Variants in ZNF793 observed in about 807,000 individuals in gnomAD.
ZNF793 encodes zinc finger protein 793.
In ZNF793, 5 loss-of-function variants were observed where a neutral mutation model predicts 12.4. That is an observed-to-expected ratio of 0.40 (90% confidence interval 0.21 to 0.84). The LOEUF is 0.84. Ranked by LOEUF, ZNF793 falls within the 40% of genes least tolerant of loss-of-function variation. The probability of loss-of-function intolerance (pLI) is 0.35; values close to 1 mark genes in which losing one functional copy is unlikely to be tolerated. For missense variants in ZNF793, 456 were observed against 495.0 expected (o/e 0.92, Z 0.75); for synonymous variants, 162 against 172.4 (o/e 0.94, Z 0.47).
intron 2 of ZNF793, among the ~76,000 whole-genome samples, chr19:37,519,037 T>C (rs866676881): frequency 8.6e-4 from 130 of 152,042 alleles, no homozygotes; most frequent in African/African-American, 2.8e-3. Flanking sequence ...GAGGCCGAGG[T>C]GGGCGGATCA....
intron 6 of ZNF793, among the ~76,000 whole-genome samples, 198 bp downstream of exon 6, chr19:37,532,680 G>A (rs1261211433): frequency 6.6e-6 from 1 of 152,104 alleles, no homozygotes; most frequent in Non-Finnish European, 1.5e-5. Flanking sequence ...TTATCCAGGT[G>A]TGGTGGCGGG....
At chr19:37,514,348 T>C (rs2042314547) in intron 2 of ZNF793, among the ~76,000 whole-genome samples, 1 of 152,180 alleles carries the variant, frequency 6.6e-6, no homozygotes, top group South Asian at 2.1e-4. Flanking sequence ...CACTATTCTT[T>C]AGTTCAAGAC....
rs1343181095 is a variant in ZNF793, at chr19:37,539,734, G to A, written c.*1855G>A. Reference sequence around the variant, plus strand: ...GTGGATGCTTTTCTAATAAACTTAAGTTATGAAAACTGCAATAAGAAGTAG... The same window carrying A: ...GTGGATGCTTTTCTAATAAACTTAAATTATGAAAACTGCAATAAGAAGTAG... On this transcript the variant is annotated 3_prime_UTR_variant, in exon 8 of 8. Coordinates refer to ENST00000627814, the MANE Select transcript of ZNF793 (RefSeq NM_001013659.3). 1 of 152,074 alleles carries A rather than the reference G, an allele frequency of 6.6e-6. No individual in the cohort carries two copies. The highest frequency in any genetic ancestry group is 6.5e-5 in the Admixed American group (1 of 15,268). The allele number at this position is 152,074 out of a possible 1,614,324, so 9.4% of individuals were successfully genotyped here. A position where few individuals can be genotyped will look rare whatever the true frequency, so the allele number is the denominator to read the frequency against.
At position 37,523,552 on chromosome 19, in the gene ZNF793, C is replaced by T; in HGVS notation, c.15+98C>T. Reference sequence around the variant, plus strand: ...TGTAAGTATGTACAGTTTGTACATACAGGCTGGGTTCTCAGGGAAGCTGAC... The same window carrying T: ...TGTAAGTATGTACAGTTTGTACATATAGGCTGGGTTCTCAGGGAAGCTGAC... On this transcript the variant is annotated intron_variant, in intron 5 of 7. Coordinates refer to ENST00000627814, the MANE Select transcript of ZNF793 (RefSeq NM_001013659.3). 10 of 1,205,636 alleles carry T rather than the reference C, an allele frequency of 8.3e-6. No homozygotes were observed. The South Asian group carries it at 1.3e-4, about 16-fold the overall frequency. 74.7% of individuals were successfully genotyped at this position (1,205,636 alleles called of 1,614,324 possible). A position where few individuals can be genotyped will look rare whatever the true frequency, so the allele number is the denominator to read the frequency against.
rs1267727484 is a variant in ZNF793 at position 37,523,428 on chromosome 19, G to C, written c.-12G>C. On this transcript the variant is annotated 5_prime_UTR_variant, in exon 5 of 8. Transcript: ENST00000627814. Reference sequence around the variant, plus strand: ...TCTACAGGTGTCAGATCTTTTTCAAGAACAGCAGAAAATGATCGAATACCA... The same window carrying C: ...TCTACAGGTGTCAGATCTTTTTCAACAACAGCAGAAAATGATCGAATACCA... 6.2e-7 allele frequency: 1 copy of C among 1,613,402 alleles called. No individual in the cohort carries two copies. Among genetic ancestry groups the C allele is most frequent in the South Asian group, 1.1e-5 (1 of 91,058 alleles).
At chr19:37,527,559 CAG>C (rs372159846) in intron 5 of ZNF793, among the ~76,000 whole-genome samples, 20 of 152,242 alleles carry the variant, frequency 1.3e-4, no homozygotes, top group African/African-American at 4.6e-4. Context: ...AACTATGGCA[CAG>C]AGAGGCTAAA....
chr19:37,540,914 A>G lies in ZNF793; in HGVS notation c.*3035A>G, dbSNP rs1471234855. The G allele has an allele frequency of 6.6e-6, 1 of 152,050 alleles. No homozygotes were observed. Among genetic ancestry groups the G allele is most frequent in the Non-Finnish European group, 1.5e-5 (1 of 67,982 alleles). 9.4% of individuals were successfully genotyped at this position (152,050 alleles called of 1,614,324 possible). A position where few individuals can be genotyped will look rare whatever the true frequency, so the allele number is the denominator to read the frequency against. Reference sequence around the variant, plus strand: ...AAAAATATATGAAAAAAATCATACCATGTATAAAAACATCACATGTACCCA... The same window carrying G: ...AAAAATATATGAAAAAAATCATACCGTGTATAAAAACATCACATGTACCCA... On this transcript the variant is annotated 3_prime_UTR_variant, in exon 8 of 8. Coordinates refer to ENST00000627814, the MANE Select transcript of ZNF793 (RefSeq NM_001013659.3).
At position 37,538,114 on chromosome 19, in the gene ZNF793, A is replaced by C. The variant is rs1366052947; in HGVS notation, c.*235A>C. ...GTATTTTTAGTAGAGACGGGGTTTC[A>C]CCGTGTTAGCCAGGATGGTCTCGAT... is the stretch of plus-strand genomic sequence containing the variant. On this transcript the variant is annotated 3_prime_UTR_variant, in exon 8 of 8. Coordinates refer to ENST00000627814, the MANE Select transcript of ZNF793 (RefSeq NM_001013659.3). The C allele has an allele frequency of 4.7e-6, 2 of 423,818 alleles. No homozygotes were observed. The highest frequency in any genetic ancestry group is 2.8e-5 in the South Asian group (1 of 35,342). 26.3% of individuals were successfully genotyped at this position (423,818 alleles called of 1,614,324 possible).
intron 2 of ZNF793, among the ~76,000 whole-genome samples, chr19:37,514,182 C>T (rs573168920): frequency 1.3e-5 from 2 of 152,136 alleles, no homozygotes; most frequent in East Asian, 3.9e-4. Flanking sequence ...TTTCAGAATA[C>T]ATATGTAAAA....
chr19:37,533,565 T>G (rs542443351), intron 7 of ZNF793, 162 bp downstream of exon 7: 1 of 613,610 alleles, frequency 1.6e-6, no homozygotes, highest in East Asian at 2.8e-5. Flanking sequence ...TATCTGAGTG[T>G]TTTTCTCGGC....
Position 37,539,175 on chromosome 19 carries a change from A to T in ZNF793, c.*1296A>T, listed in dbSNP as rs2147118995. 6.6e-6 allele frequency: 1 copy of T among 152,344 alleles called. No individual in the cohort carries two copies. Among genetic ancestry groups the T allele is most frequent in the Non-Finnish European group, 1.5e-5 (1 of 68,024 alleles). 9.4% of individuals were successfully genotyped at this position (152,344 alleles called of 1,614,324 possible). On this transcript the variant is annotated 3_prime_UTR_variant, in exon 8 of 8. Coordinates refer to ENST00000627814, the MANE Select transcript of ZNF793 (RefSeq NM_001013659.3). ...ATGCAAGCTAAGGAATAGTTTAAGA[A>T]CCTGATACTGGGTAAATGAAACACT... is the stretch of plus-strand genomic sequence containing the variant.
chr19:37,530,193 C>T (rs1158485389), intron 5 of ZNF793, among the ~76,000 whole-genome samples: 6 of 152,138 alleles, frequency 3.9e-5, no homozygotes, highest in Non-Finnish European at 7.4e-5. Context: ...AGCCCTAAGG[C>T]GGTTTCCCCC....
Position 37,532,499 on chromosome 19 carries a change from C to T in ZNF793, c.142+17C>T, listed in dbSNP as rs2042469992. 1.3e-6 allele frequency: 2 copies of T among 1,572,982 alleles called. No individual in the cohort carries two copies. The highest frequency in any genetic ancestry group is 1.7e-6 in the Non-Finnish European group (2 of 1,160,302). On this transcript the variant is annotated intron_variant, in intron 6 of 7. Coordinates refer to ENST00000627814, the MANE Select transcript of ZNF793 (RefSeq NM_001013659.3). Reference sequence around the variant, plus strand: ...TCTCAGTGGGTAAGAACATCCTCACCATACAATGCAGATTATGTTCGAATG... The same window carrying T: ...TCTCAGTGGGTAAGAACATCCTCACTATACAATGCAGATTATGTTCGAATG...
chr19:37,510,948 C>T (rs909836263), intron 2 of ZNF793, among the ~76,000 whole-genome samples: 2 of 151,970 alleles, frequency 1.3e-5, no homozygotes, highest in African/African-American at 4.8e-5. Context: ...CCGCCCACCT[C>T]AGTCTCCCAA....
At chr19:37,518,583 C>T (rs1161438537) in intron 2 of ZNF793, among the ~76,000 whole-genome samples, 1 of 143,932 alleles carries the variant, frequency 6.9e-6, no homozygotes, top group Non-Finnish European at 1.5e-5. Context: ...TGCTTGAGTC[C>T]GGGAGTCCAA....
rs552010678 is a variant in ZNF793 at position 37,538,320 on chromosome 19, T to G, written c.*441T>G. The G allele has an allele frequency of 3.0e-4, 46 of 151,910 alleles. No individual in the cohort carries two copies. Among genetic ancestry groups the G allele is most frequent in the Admixed American group, 7.2e-4 (11 of 15,340 alleles). 9.4% of individuals were successfully genotyped at this position (151,910 alleles called of 1,614,324 possible). A position where few individuals can be genotyped will look rare whatever the true frequency, so the allele number is the denominator to read the frequency against. On this transcript the variant is annotated 3_prime_UTR_variant, in exon 8 of 8. Coordinates refer to ENST00000627814, the MANE Select transcript of ZNF793 (RefSeq NM_001013659.3). ...TTTATTTTGAGTTGTATTCTCTGTT[T>G]CCCAGGCTGGAGTGCAATGGCACTA...
chr19:37,522,675 G>C (rs1350197291), intron 4 of ZNF793, 28 bp downstream of exon 4: 1 of 152,154 alleles, frequency 6.6e-6, no homozygotes, highest in Admixed American at 6.6e-5. Flanking sequence ...TTGTAACTCA[G>C]TATGGTTTTG....
At chr19:37,532,797 C>T (rs1166033001) in intron 6 of ZNF793, among the ~76,000 whole-genome samples, 9 of 151,640 alleles carry the variant, frequency 5.9e-5, no homozygotes, top group South Asian at 2.1e-4. Context: ...CTAGCCTGGG[C>T]AACAAGAGCG....
rs1203935979 is a variant in ZNF793, at chr19:37,537,563, A to G, written c.905A>G (p.Gln302Arg). 3 of 1,614,108 alleles carry G rather than the reference A, an allele frequency of 1.9e-6. No individual in the cohort carries two copies. The Admixed American group carries it at 5.0e-5, about 27-fold the overall frequency. ...FTQKSHRTEH[Q>R]RTHTGERPFV... is the part of the protein sequence containing the mutation. ...CAGAAGTCACACCGCACAGAACATCAGAGAACACACACAGGAGAGAGACCC... is the reference window on the plus strand; with the variant it reads ...CAGAAGTCACACCGCACAGAACATCGGAGAACACACACAGGAGAGAGACCC... The change falls in exon 8 of 8, where the codon CAG becomes CGG. Residue 302 changes from glutamine (Q) to arginine (R), a missense_variant. Physicochemically the swap from Gln to Arg is conservative, Grantham distance 43. Transcript: ENST00000627814.
Sources: allele counts gnomAD v4.1 joint callset (sites outside exome capture counted in the v4.1 genomes callset), GRCh38; gene constraint gnomAD v4.1.1; transcripts MANE v1.5; gene names NCBI Gene and HGNC (gene_info 2026-07-23, HGNC 2026-07-21).